SGK1: variants seen among roughly 807,000 people sequenced by gnomAD.
SGK1 encodes the protein serum/glucocorticoid regulated kinase 1.
SGK1 carries 26 observed loss-of-function variants against 64.2 expected under a neutral mutation model. That is an observed-to-expected ratio of 0.40 (90% CI 0.30 to 0.56). The LOEUF is 0.56. Ranked by LOEUF, SGK1 falls within the 20% of genes least tolerant of loss-of-function variation. The pLI, the probability that SGK1 is intolerant of heterozygous loss-of-function variation, is 0.38. For synonymous variants in SGK1, 265 were observed against 239.7 expected (o/e 1.11, Z -0.98); for missense variants, 519 against 645.6 (o/e 0.80, Z 2.12).
intron 2 of SGK1, among the ~76,000 whole-genome samples, chr6:134,241,158 G>A (rs948503248): frequency 1.4e-5 from 2 of 147,680 alleles, no homozygotes; most frequent in Non-Finnish European, 3.0e-5. Flanking sequence ...CAAGCAATTC[G>A]ACCACCTAAG....
chr6:134,311,758 C>T (rs1777611827), intron 1 of SGK1, among the ~76,000 whole-genome samples: 6 of 152,168 alleles, frequency 3.9e-5, no homozygotes. Context: ...GTTGTGGGCG[C>T]AGGCTCAAGA....
At chr6:134,200,653 A>C (rs542079706) in intron 3 of SGK1, among the ~76,000 whole-genome samples, 5 of 152,146 alleles carry the variant, frequency 3.3e-5, no homozygotes, top group Admixed American at 1.3e-4. Context: ...CCTGTAATCC[A>C]AGCACTTTGG....
At chr6:134,280,758 C>A (rs1052529743) in intron 1 of SGK1, among the ~76,000 whole-genome samples, 4 of 152,098 alleles carry the variant, frequency 2.6e-5, no homozygotes, top group African/African-American at 9.7e-5. Flanking sequence ...TGTCACCCTG[C>A]GAGGTCTGAA....
intron 3 of SGK1, 82 bp from the exon 4 acceptor site, chr6:134,174,668 A>G (rs763938243): frequency 6.2e-7 from 1 of 1,610,420 alleles, no homozygotes; most frequent in East Asian, 2.2e-5. Flanking sequence ...CTGATCCGGG[A>G]CTTTCAAAAA....
chr6:134,282,584 C>T (rs1449153993), intron 1 of SGK1, among the ~76,000 whole-genome samples: 11 of 150,924 alleles, frequency 7.3e-5, no homozygotes, highest in African/African-American at 2.2e-4. Context: ...ACCTGGGAGG[C>T]GGAGGTTGCA....
At chr6:134,279,792 A>G (rs1049397966) in intron 1 of SGK1, among the ~76,000 whole-genome samples, 30 of 152,314 alleles carry the variant, frequency 2.0e-4, no homozygotes, top group African/African-American at 7.0e-4. Context: ...AGAATCAGGT[A>G]TTGGTTCTAC....
intron 3 of SGK1, chr6:134,175,701 C>A (rs942872983): frequency 3.5e-6 from 5 of 1,429,996 alleles, no homozygotes; most frequent in Non-Finnish European, 4.6e-6. Context: ...CGAGAGCGAC[C>A]GGCGAGCACT....
In SGK1 at chr6:134,317,609, A is replaced by C. The variant is rs557929143; in HGVS notation, c.-149T>G. 4.4e-6 allele frequency: 3 copies of C among 679,998 alleles called. No homozygotes were observed. The South Asian group carries it at 5.1e-5, about 12-fold the overall frequency. 42.1% of individuals were successfully genotyped at this position (679,998 alleles called of 1,614,324 possible). On this transcript the variant is annotated 5_prime_UTR_variant, in exon 1 of 14. An upstream start codon of the reference 5' UTR is lost. Coordinates refer to ENST00000367858, the MANE Select transcript of SGK1 (RefSeq NM_001143676.3). ...GCGGGGCTCAGTTCTTCACTCGCGC[A>C]TTCTGCAGCACCAGCTACTGCAGCA... is the stretch of plus-strand genomic sequence containing the variant.
intron 2 of SGK1, among the ~76,000 whole-genome samples, chr6:134,242,234 C>G (rs1341860896): frequency 6.6e-6 from 1 of 151,990 alleles, no homozygotes; most frequent in East Asian, 2.0e-4. Context: ...GCCTGTAATC[C>G]CAGCACTTTG....
chr6:134,297,906 C>A lies in SGK1; in HGVS notation c.69+19486G>T, dbSNP rs567970584. On this transcript the variant is annotated intron_variant, in intron 1 of 13. Transcript: ENST00000367858. ...CATGCTCTCAGCCTCACTCCGGCTG[C>A]GGTTGGTGATCTCCTCGTACTGCGC... The A allele has an allele frequency of 3.6e-5, 29 of 806,658 alleles. No individual in the cohort carries two copies. The Admixed American group carries it at 5.0e-4, about 14-fold the overall frequency. 50.0% of individuals were successfully genotyped at this position (806,658 alleles called of 1,614,324 possible). A position where few individuals can be genotyped will look rare whatever the true frequency, so the allele number is the denominator to read the frequency against.
At chr6:134,308,463 G>T (rs925931425) in intron 1 of SGK1, among the ~76,000 whole-genome samples, 1 of 152,150 alleles carries the variant, frequency 6.6e-6, no homozygotes. Context: ...ACTGGCTGAT[G>T]TCACTCTAAC....
chr6:134,294,185 A>T (rs2114783278), intron 1 of SGK1, among the ~76,000 whole-genome samples: 1 of 152,274 alleles, frequency 6.6e-6, no homozygotes, highest in South Asian at 2.1e-4. Flanking sequence ...TTTCTTCAGC[A>T]CGTTTCCCAT....
chr6:134,204,000 G>A (rs1250629528), intron 3 of SGK1, among the ~76,000 whole-genome samples: 2 of 151,388 alleles, frequency 1.3e-5, no homozygotes, highest in Non-Finnish European at 2.9e-5. Context: ...GGAGGCAGAG[G>A]TTGCAGTGAG....
Position 134,169,973 on chromosome 6 carries a change from C to A in SGK1, c.*295G>T. On this transcript the variant is annotated 3_prime_UTR_variant, in exon 14 of 14. Transcript: ENST00000367858. ...GATCTGCAGGAGACCTTTTTTAGAA[C>A]AGCGTCCGCTTTCTAACGAAACTCC... 9.5e-6 allele frequency: 2 copies of A among 210,824 alleles called. No homozygotes were observed. Among genetic ancestry groups the A allele is most frequent in the Non-Finnish European group, 1.9e-5 (2 of 104,924 alleles). 13.1% of individuals were successfully genotyped at this position (210,824 alleles called of 1,614,324 possible).
rs570669939 is a variant in SGK1 at position 134,287,417 on chromosome 6, T to G, written c.70-25269A>C. Among the ~76,000 whole-genome samples the G allele has an allele frequency of 2.3e-4, 35 of 151,704 alleles. 1 individual carries two copies. The East Asian group carries it at 6.6e-3, about 28-fold the overall frequency. Reference sequence around the variant, plus strand: ...AATTGTCTGGTTGTATTTATAAGATTAATGATTGTTTATATAGATAAGAAG... The same window carrying G: ...AATTGTCTGGTTGTATTTATAAGATGAATGATTGTTTATATAGATAAGAAG... On this transcript the variant is annotated intron_variant, in intron 1 of 13. Coordinates refer to ENST00000367858, the MANE Select transcript of SGK1 (RefSeq NM_001143676.3).
At chr6:134,177,881 G>A (rs181741145) in intron 3 of SGK1, 160 of 1,538,418 alleles carry the variant, frequency 1.0e-4, no homozygotes, top group Non-Finnish European at 1.3e-4. Flanking sequence ...TTTATATCAA[G>A]GCAATTTAAG....
chr6:134,201,261 C>T (rs774896170), intron 3 of SGK1, among the ~76,000 whole-genome samples: 12 of 151,802 alleles, frequency 7.9e-5, no homozygotes, highest in Admixed American at 2.0e-4. Flanking sequence ...AGGGTTTCAC[C>T]GTGTTAGCCA....
chr6:134,173,926 A>G, intron 5 of SGK1, 79 bp downstream of exon 5: 1 of 948,528 alleles, frequency 1.1e-6, no homozygotes, highest in Non-Finnish European at 1.6e-6. Flanking sequence ...TAGAAATGCT[A>G]TTTTAATCCA....
At position 134,170,932 on chromosome 6, in the gene SGK1, C is replaced by G. The variant is rs1774996260; in HGVS notation, c.1324-17G>C. 1.2e-6 allele frequency: 2 copies of G among 1,608,710 alleles called. No individual in the cohort carries two copies. Among genetic ancestry groups the G allele is most frequent in the Non-Finnish European group, 1.7e-6 (2 of 1,175,338 alleles). ...AATCTCCATCTGTTGATAAGAAACC[C>G]AAGATTAATTTAGACAGGTGCATTC... On this transcript the variant is annotated splice_polypyrimidine_tract_variant and intron_variant, in intron 12 of 13. Coordinates refer to ENST00000367858, the MANE Select transcript of SGK1 (RefSeq NM_001143676.3).
Sources: gnomAD v4.1 joint callset for allele counts (sites outside exome capture counted in the v4.1 genomes callset) on GRCh38, gnomAD v4.1.1 for gene constraint, MANE v1.5 for transcripts, NCBI Gene and HGNC (gene_info 2026-07-23, HGNC 2026-07-21) for gene names.